TTC22: variants seen among roughly 807,000 people sequenced by gnomAD.
TTC22 encodes the protein tetratricopeptide repeat domain 22.
TTC22 carries 42 observed loss-of-function variants against 48.2 expected under a neutral mutation model. The observed-to-expected ratio is 0.87, with a 90% CI of 0.68 to 1.13. TTC22 has a LOEUF of 1.13. TTC22 is among the 50% of genes most tolerant of loss of function. The probability of loss-of-function intolerance (pLI) is 0.00; values close to 1 mark genes in which losing one functional copy is unlikely to be tolerated. For missense variants in TTC22, 784 were observed against 807.0 expected (o/e 0.97, Z 0.34); for synonymous variants, 345 against 365.5 (o/e 0.94, Z 0.64).
intron 1 of TTC22, among the ~76,000 whole-genome samples, chr1:54,795,365 C>A: frequency 6.6e-6 from 1 of 152,218 alleles, no homozygotes; most frequent in East Asian, 1.9e-4. Context: ...CAGTTCCCTG[C>A]AGATTTTAAG....
chr1:54,786,207 C>T (rs1369474502), intron 4 of TTC22, 63 bp from the exon 5 acceptor site: 7 of 1,484,112 alleles, frequency 4.7e-6, no homozygotes, highest in African/African-American at 1.4e-5. Flanking sequence ...GCTGGCTAAA[C>T]AGTGCTGAAC....
At chr1:54,784,736 G>A in intron 5 of TTC22, 1 of 1,272,318 alleles carries the variant, frequency 7.9e-7, no homozygotes, top group Non-Finnish European at 1.0e-6. Flanking sequence ...ACTAGGTCAT[G>A]TGGATAGTAG....
At chr1:54,800,374 G>C (rs1299406022) in intron 1 of TTC22, among the ~76,000 whole-genome samples, 1 of 152,222 alleles carries the variant, frequency 6.6e-6, no homozygotes, top group African/African-American at 2.4e-5. Flanking sequence ...TTCCAAAAGA[G>C]AGGCTTGGGC....
At chr1:54,782,257 TGGTCTAGCC>T in intron 6 of TTC22, 59 bp downstream of exon 6, 2 of 1,429,400 alleles carry the variant, frequency 1.4e-6, no homozygotes, top group Non-Finnish European at 9.3e-7. Flanking sequence ...GCCTAGCCCT[TGGTCTAGCC>T]TGGCAAGGAG....
At chr1:54,786,749 A>G in intron 4 of TTC22, 1 of 410,338 alleles carries the variant, frequency 2.4e-6, no homozygotes, top group East Asian at 3.6e-5. Flanking sequence ...AAGGCTGGAG[A>G]AATGGGCTGG....
chr1:54,788,651 T>C (rs934758700), intron 1 of TTC22, among the ~76,000 whole-genome samples: 1 of 152,220 alleles, frequency 6.6e-6, no homozygotes, highest in Non-Finnish European at 1.5e-5. Context: ...GGAATTTTAA[T>C]GAAAACCAGT....
rs201017388 is a variant in TTC22 at position 54,787,033 on chromosome 1, T to A, written c.782A>T (p.Asp261Val). 3.1e-5 allele frequency: 48 copies of A among 1,550,926 alleles called. No individual in the cohort carries two copies. In the East Asian group the frequency reaches 1.1e-3, roughly 37 times the overall value. Residue 261 changes from aspartate (D) to valine (V), a missense_variant, in exon 4 of 7, where the codon GAC becomes GTC. Asp to Val is a radical substitution (Grantham distance 152). Transcript: ENST00000371276. ...GCCCATGGGGGTGGTGGAGAAGGTG[T>A]CCTTCCGCTCCAGCAGCATCCCGAG... is the stretch of plus-strand genomic sequence containing the variant. ...CYLGMLLERK[D>V]TFSTTPMGVH...
In TTC22 at chr1:54,782,444, G is replaced by A. The variant is rs189421291; in HGVS notation, c.1054C>T (p.Arg352Trp). 112 of 1,550,582 alleles carry A rather than the reference G, an allele frequency of 7.2e-5. No homozygotes were observed. The African/African-American group carries it at 8.9e-4, about 12-fold the overall frequency. ...HIRAYLHDLK[R>W]AKMGLGGMPD... Reference sequence around the variant, plus strand: ...ATGCCCCCGAGACCCATCTTGGCCCGCTTGAGGTCATGCAGGTAGGCTCTG... The same window carrying A: ...ATGCCCCCGAGACCCATCTTGGCCCACTTGAGGTCATGCAGGTAGGCTCTG... The change falls in exon 6 of 7, where the codon CGG becomes TGG. Residue 352 changes from arginine (R) to tryptophan (W), a missense_variant. Arg to Trp is a moderately radical substitution (Grantham distance 101). Coordinates refer to ENST00000371276, the MANE Select transcript of TTC22 (RefSeq NM_001114108.2).
intron 1 of TTC22, among the ~76,000 whole-genome samples, chr1:54,791,468 G>A (rs1646351449): frequency 6.6e-6 from 1 of 152,212 alleles, no homozygotes; most frequent in Admixed American, 6.5e-5. Context: ...AGTTGTGAGG[G>A]CAGTGCCTGG....
At chr1:54,790,961 C>T (rs992073261) in intron 1 of TTC22, among the ~76,000 whole-genome samples, 6 of 152,108 alleles carry the variant, frequency 3.9e-5, no homozygotes, top group South Asian at 4.1e-4. Context: ...CTCCTGAGTT[C>T]GAGCTATTCT....
chr1:54,799,181 G>C (rs1267756314), intron 1 of TTC22, among the ~76,000 whole-genome samples: 1 of 152,170 alleles, frequency 6.6e-6, no homozygotes, highest in Non-Finnish European at 1.5e-5. Context: ...CACAGCACAG[G>C]GTTGGCAGCC....
chr1:54,790,882 A>G (rs1286033112), intron 1 of TTC22, among the ~76,000 whole-genome samples: 1 of 146,900 alleles, frequency 6.8e-6, no homozygotes, highest in Non-Finnish European at 1.5e-5. Context: ...TCTTTTTTTG[A>G]GATGGAGTCT....
At chr1:54,784,608 TGTC>T (rs1327608756) in intron 5 of TTC22, 9 of 1,075,388 alleles carry the variant, frequency 8.4e-6, no homozygotes, top group Non-Finnish European at 1.0e-5. Context: ...TTATGGTTAA[TGTC>T]ATTATTATCT....
intron 1 of TTC22, among the ~76,000 whole-genome samples, chr1:54,798,619 C>T (rs1378978409): frequency 6.6e-6 from 1 of 152,196 alleles, no homozygotes; most frequent in African/African-American, 2.4e-5. Flanking sequence ...AGAAGAGGGG[C>T]TCAGGTAAGC....
Position 54,786,001 on chromosome 1 carries a change from C to T in TTC22, c.1002G>A (p.Ala334=), listed in dbSNP as rs199739536. The part of the protein sequence containing the change: ...VLRDPELNWQ[A]YCTRAKIHIR... ...GACCCACCTTGGCCCTTGTGCAGTA[C>T]GCCTGCCAGTTGAGTTCTGGATCTC... Residue 334 remains alanine (A), a synonymous_variant, in exon 5 of 7, where the codon GCG becomes GCA. Transcript: ENST00000371276. 47 of 1,613,726 alleles carry T rather than the reference C, an allele frequency of 2.9e-5. No homozygotes were observed. The highest frequency in any genetic ancestry group is 1.7e-4 in the Middle Eastern group (1 of 5,996).
At chr1:54,796,799 T>C (rs946656589) in intron 1 of TTC22, among the ~76,000 whole-genome samples, 1 of 152,194 alleles carries the variant, frequency 6.6e-6, no homozygotes, top group African/African-American at 2.4e-5. Context: ...TTCGACTAAA[T>C]TAAACAATGG....
intron 4 of TTC22, 24 bp from the exon 5 acceptor site, chr1:54,786,168 A>G (rs771326993): frequency 1.2e-6 from 2 of 1,611,544 alleles, no homozygotes; most frequent in Non-Finnish European, 1.7e-6. Flanking sequence ...GAGTGCAAAA[A>G]CAAACCACTT....
chr1:54,781,196 G>T lies in TTC22; in HGVS notation c.*47C>A. On this transcript the variant is annotated 3_prime_UTR_variant, in exon 7 of 7. Transcript: ENST00000371276. ...CGGACCTGGTCCCATCAGCTGGGCG[G>T]GGCCTGGGCGGGGTCCCAGGGAGCC... 1.5e-6 allele frequency: 2 copies of T among 1,324,716 alleles called. No individual in the cohort carries two copies. Among genetic ancestry groups the T allele is most frequent in the Non-Finnish European group, 1.9e-6 (2 of 1,025,684 alleles). 82.1% of individuals were successfully genotyped at this position (1,324,716 alleles called of 1,614,324 possible). A position where few individuals can be genotyped will look rare whatever the true frequency, so the allele number is the denominator to read the frequency against.
chr1:54,790,594 G>T (rs1646342031), intron 1 of TTC22, among the ~76,000 whole-genome samples: 1 of 152,142 alleles, frequency 6.6e-6, no homozygotes, highest in African/African-American at 2.4e-5. Context: ...AAAGCAAAAG[G>T]CAGGGATAGG....
Sources: gnomAD v4.1 joint callset for allele counts (sites outside exome capture counted in the v4.1 genomes callset) on GRCh38, gnomAD v4.1.1 for gene constraint, MANE v1.5 for transcripts, NCBI Gene and HGNC (gene_info 2026-07-23, HGNC 2026-07-21) for gene names.